Variants in LAMC3 observed in about 807,000 individuals in gnomAD.
LAMC3 encodes laminin subunit gamma 3.
In LAMC3, 128 loss-of-function variants were observed where a neutral mutation model predicts 173.8. The observed-to-expected ratio is 0.74, with a 90% CI of 0.64 to 0.85. The LOEUF is 0.85. Ranked by LOEUF, LAMC3 falls within the 40% of genes least tolerant of loss-of-function variation. The pLI is 0.00. For missense variants in LAMC3, 2,022 were observed against 2,156.0 expected, an observed-to-expected ratio of 0.94 and a Z score of 1.23; for synonymous variants, 897 against 909.1, an observed-to-expected ratio of 0.99 and a Z score of 0.24.
At chr9:131,050,535 T>G (rs11244262) in intron 9 of LAMC3, among the ~76,000 whole-genome samples, 89,513 of 151,776 alleles carry the variant, frequency 0.59, 27,408 homozygotes, top group African/African-American at 0.77. Flanking sequence ...AGGCTGAGGT[T>G]GGGGGGGATC....
intron 1 of LAMC3, among the ~76,000 whole-genome samples, chr9:131,018,136 C>CTT (rs776279087): frequency 6.3e-5 from 9 of 143,088 alleles, no homozygotes; most frequent in South Asian, 2.2e-4. Context: ...GCCCCAAGAT[C>CTT]TTTTTTTTTT....
chr9:131,072,140 C>CAGGGGGGG (rs1554789716), intron 18 of LAMC3, among the ~76,000 whole-genome samples: 3 of 140,834 alleles, frequency 2.1e-5, no homozygotes, highest in Admixed American at 7.1e-5. Flanking sequence ...TGAATGGAAG[C>CAGGGGGGG]AGGGAGGGAG....
At chr9:131,036,957 T>A (rs1299579403) in intron 4 of LAMC3, among the ~76,000 whole-genome samples, 1 of 152,224 alleles carries the variant, frequency 6.6e-6, no homozygotes, top group Non-Finnish European at 1.5e-5. Flanking sequence ...TCCCAGCTGG[T>A]GCTGGTGCTG....
intron 1 of LAMC3, among the ~76,000 whole-genome samples, chr9:131,020,916 T>C (rs1161506361): frequency 6.6e-6 from 1 of 152,180 alleles, no homozygotes; most frequent in Non-Finnish European, 1.5e-5. Context: ...GAAGTGGAAG[T>C]GCTGGATCAT....
In LAMC3 at chr9:131,026,855, C is replaced by T. The variant is rs1240089824; in HGVS notation, c.678+266C>T. Among the ~76,000 whole-genome samples the T allele has an allele frequency of 2.0e-5, 3 of 152,138 alleles. No individual in the cohort carries two copies. The highest frequency in any genetic ancestry group is 4.4e-5 in the Non-Finnish European group (3 of 68,030). On this transcript the variant is annotated intron_variant, in intron 2 of 27. Coordinates refer to ENST00000361069, the MANE Select transcript of LAMC3 (RefSeq NM_006059.4). This position sits in a 1 kb window ranked among gnomAD's most constrained non-coding sequence, Gnocchi z 4.8. ...CCAAGTAACTGAGATTACAGGTGCCCGCCACGACTCCTGGCTGATTCTTTT... is the reference window on the plus strand; with the variant it reads ...CCAAGTAACTGAGATTACAGGTGCCTGCCACGACTCCTGGCTGATTCTTTT...
rs762548143 is a variant in LAMC3 at position 131,067,121 on chromosome 9, A to G, written c.2509A>G (p.Asn837Asp). 1.2e-6 allele frequency: 2 copies of G among 1,614,120 alleles called. No homozygotes were observed. Among genetic ancestry groups the G allele is most frequent in the Admixed American group, 3.3e-5 (2 of 60,030 alleles). Residue 837 changes from asparagine to aspartate, a missense_variant, in exon 14 of 28, where the codon AAC (asparagine) becomes GAC (aspartate). Transcript: ENST00000361069. ...TGGCCACTGCCTGCGCTGCCTGCAC[A>G]ACACCACGGGTGACCACTGTGAGCA... ...LSGHCLRCLHNTTGDHCEHCQ... is the reference protein window; with the variant it reads ...LSGHCLRCLHDTTGDHCEHCQ...
intron 13 of LAMC3, among the ~76,000 whole-genome samples, chr9:131,062,323 T>C (rs1036228519): frequency 5.3e-5 from 8 of 151,994 alleles, no homozygotes; most frequent in Admixed American, 2.0e-4. Flanking sequence ...ATCGCGCCAC[T>C]GCACTCCAGC....
chr9:131,013,532 G>A (rs939642579), intron 1 of LAMC3, among the ~76,000 whole-genome samples: 1 of 152,214 alleles, frequency 6.6e-6, no homozygotes, highest in African/African-American at 2.4e-5. Flanking sequence ...ACAGGATGCA[G>A]CTGTGAACAG....
intron 11 of LAMC3, among the ~76,000 whole-genome samples, 156 bp from the exon 12 acceptor site, chr9:131,056,773 G>T (rs1055113013): frequency 2.3e-4 from 35 of 152,300 alleles, no homozygotes; most frequent in African/African-American, 7.7e-4. Flanking sequence ...CTGAGTGACA[G>T]AATGAGAATC....
At chr9:131,023,009 T>G (rs898898560) in intron 1 of LAMC3, among the ~76,000 whole-genome samples, 3 of 152,190 alleles carry the variant, frequency 2.0e-5, no homozygotes. Context: ...TTCTGGACAT[T>G]TACGTGGAAT....
intron 14 of LAMC3, 120 bp downstream of exon 14, chr9:131,067,325 G>C (rs991503151): frequency 1.6e-6 from 2 of 1,279,396 alleles, no homozygotes; most frequent in Non-Finnish European, 1.1e-6. Context: ...TCCTCTGCAA[G>C]GCTGTCCAGC....
Position 131,038,665 on chromosome 9 carries a change from T to C in LAMC3, c.977-199T>C, listed in dbSNP as rs533182195. The stretch of plus-strand genomic sequence containing the variant: ...TTACTAACAGTGTCCCCTTTGCTCT[T>C]AAGAGTGTCCTGTTTTGGAAAATCA... On this transcript the variant is annotated intron_variant, in intron 4 of 27. Coordinates refer to ENST00000361069, the MANE Select transcript of LAMC3 (RefSeq NM_006059.4). Among the ~76,000 whole-genome samples, 50 of 152,292 alleles carry C rather than the reference T, an allele frequency of 3.3e-4. No individual in the cohort carries two copies. In the South Asian group the frequency reaches 9.3e-3, roughly 28 times the overall value.
chr9:131,051,178 C>G (rs967747621), intron 9 of LAMC3, among the ~76,000 whole-genome samples: 1 of 152,136 alleles, frequency 6.6e-6, no homozygotes, highest in East Asian at 1.9e-4. Flanking sequence ...ATCCCACCCC[C>G]CCAGTTCCCA....
At chr9:131,083,479 A>G (rs901350217) in intron 24 of LAMC3, among the ~76,000 whole-genome samples, 15 of 151,532 alleles carry the variant, frequency 9.9e-5, no homozygotes, top group African/African-American at 3.4e-4. Context: ...AGTCTTCCCC[A>G]GGGTGTGGCC....
intron 9 of LAMC3, among the ~76,000 whole-genome samples, chr9:131,050,595 G>A (rs1453359638): frequency 1.3e-5 from 2 of 152,028 alleles, no homozygotes; most frequent in South Asian, 2.1e-4. Context: ...GTGAAACCTC[G>A]TCTCTACTAA....
At chr9:131,022,852 A>G (rs1043430662) in intron 1 of LAMC3, among the ~76,000 whole-genome samples, 1 of 152,158 alleles carries the variant, frequency 6.6e-6, no homozygotes, top group African/African-American at 2.4e-5. Flanking sequence ...TGCTGGGATG[A>G]CAGGTGTGAG....
intron 22 of LAMC3, among the ~76,000 whole-genome samples, chr9:131,078,557 G>A (rs1588167754): frequency 1.3e-5 from 2 of 152,326 alleles, no homozygotes; most frequent in East Asian, 3.9e-4. Flanking sequence ...AACCCAGATT[G>A]ATGCCCAAGG....
chr9:131,041,877 T>C (rs1430318378), intron 7 of LAMC3, 142 bp downstream of exon 7: 16 of 722,036 alleles, frequency 2.2e-5, no homozygotes, highest in African/African-American at 3.5e-5. Flanking sequence ...GTGCCCTTCC[T>C]GGGGCACCAT....
Position 131,075,819 on chromosome 9 carries a change from G to A in LAMC3, c.3495-12G>A, listed in dbSNP as rs745366815. 17 of 1,607,420 alleles carry A rather than the reference G, an allele frequency of 1.1e-5. No individual in the cohort carries two copies. Among genetic ancestry groups the A allele is most frequent in the Non-Finnish European group, 1.3e-5 (15 of 1,177,908 alleles). The stretch of plus-strand genomic sequence containing the variant: ...AGCCCTTGGTAATGCTCAGGTGGGT[G>A]TCCTCACACAGCCACAGAGACACCG... On this transcript the variant is annotated splice_polypyrimidine_tract_variant and intron_variant, in intron 20 of 27. Transcript: ENST00000361069.
Sources: allele counts gnomAD v4.1 joint callset (sites outside exome capture counted in the v4.1 genomes callset), GRCh38; gene constraint gnomAD v4.1.1; non-coding constraint Gnocchi (gnomAD v3.1); transcripts MANE v1.5; gene names NCBI Gene and HGNC (gene_info 2026-07-23, HGNC 2026-07-21).